LYPLAL1: variants seen among roughly 807,000 people sequenced by gnomAD.
The protein encoded by LYPLAL1 is lysophospholipase like 1, also known as lysophospholipase-like protein 1.
Under a neutral mutation model 19.7 loss-of-function variants are expected in LYPLAL1, and 23 were observed. That is an observed-to-expected ratio of 1.17 (90% CI 0.84 to 1.65). The LOEUF (loss-of-function observed/expected upper bound fraction) is 1.65. Ranked by LOEUF, LYPLAL1 falls within the 40% of genes most tolerant of loss-of-function variation. The pLI, the probability that LYPLAL1 is intolerant of heterozygous loss-of-function variation, is 0.00. For synonymous variants in LYPLAL1, 119 were observed against 96.3 expected, an observed-to-expected ratio of 1.24 and a Z score of -1.38; for missense variants, 355 against 279.4, an observed-to-expected ratio of 1.27 and a Z score of -1.93.
chr1:219,262,295 C>A, the LYPLAL1 span, among the ~76,000 whole-genome samples: 1 of 151,964 alleles, frequency 6.6e-6, no homozygotes, highest in African/African-American at 2.4e-5. Flanking sequence ...TTTCATCTTT[C>A]TCTGCTATCT....
At chr1:219,421,354 A>G in the LYPLAL1 span, among the ~76,000 whole-genome samples, 1 of 152,188 alleles carries the variant, frequency 6.6e-6, no homozygotes, top group African/African-American at 2.4e-5. Flanking sequence ...AAACCAGATC[A>G]TGAGAGAACA....
At chr1:219,442,305 G>T in the LYPLAL1 span, among the ~76,000 whole-genome samples, 1 of 152,078 alleles carries the variant, frequency 6.6e-6, no homozygotes, top group African/African-American at 2.4e-5. Context: ...TTTTGAAACT[G>T]AATTGGATTG....
At chr1:219,275,334 A>C in the LYPLAL1 span, among the ~76,000 whole-genome samples, 1 of 152,154 alleles carries the variant, frequency 6.6e-6, no homozygotes, top group Non-Finnish European at 1.5e-5. Context: ...TAGTCTTCCC[A>C]CTGGTTCCCA....
the LYPLAL1 span, among the ~76,000 whole-genome samples, chr1:219,294,207 A>G: frequency 3.9e-5 from 6 of 152,324 alleles, no homozygotes; most frequent in South Asian, 1.0e-3. Flanking sequence ...CAAACAAATA[A>G]CATCTCTCTG....
At chr1:219,359,777 C>A in the LYPLAL1 span, among the ~76,000 whole-genome samples, 1 of 152,128 alleles carries the variant, frequency 6.6e-6, no homozygotes, top group Non-Finnish European at 1.5e-5. Context: ...CCTGACACAC[C>A]TGGAATCAAA....
the LYPLAL1 span, chr1:219,409,454 A>ACG: frequency 7.3e-6 from 1 of 136,788 alleles, no homozygotes; most frequent in East Asian, 2.2e-4. Flanking sequence ...TCACACACAC[A>ACG]CACACACACA....
downstream of LYPLAL1, among the ~76,000 whole-genome samples, chr1:219,216,864 A>G (rs1159416030): frequency 6.6e-6 from 1 of 152,084 alleles, no homozygotes; most frequent in African/African-American, 2.4e-5. Context: ...AGCTTACCTC[A>G]TTTGTCTTCC....
chr1:219,323,424 G>A, the LYPLAL1 span, among the ~76,000 whole-genome samples: 1 of 152,132 alleles, frequency 6.6e-6, no homozygotes, highest in Admixed American at 6.5e-5. Context: ...AGGGAGGAAG[G>A]GGCTGAGCCA....
At chr1:219,364,206 G>A in the LYPLAL1 span, among the ~76,000 whole-genome samples, 4 of 152,192 alleles carry the variant, frequency 2.6e-5, no homozygotes, top group South Asian at 4.1e-4. Context: ...ATTGAACAAC[G>A]CAATAACCCA....
the LYPLAL1 span, among the ~76,000 whole-genome samples, chr1:219,331,739 G>A: frequency 1.4e-4 from 21 of 152,168 alleles, no homozygotes; most frequent in Non-Finnish European, 2.5e-4. Context: ...CTATCACACT[G>A]TCAAATGTCA....
intron 2 of LYPLAL1, among the ~76,000 whole-genome samples, chr1:219,188,747 G>C (rs1169961540): frequency 6.7e-6 from 1 of 150,084 alleles, no homozygotes; most frequent in Non-Finnish European, 1.5e-5. Flanking sequence ...GTAATGGGTT[G>C]GTTGATTGAT....
the LYPLAL1 span, among the ~76,000 whole-genome samples, chr1:219,357,484 A>G: frequency 0.2 from 30,779 of 152,148 alleles, 3,665 homozygotes; most frequent in Admixed American, 0.31. Flanking sequence ...TTAAAACAAA[A>G]TGAGATACCA....
intron 1 of LYPLAL1, 62 bp from the exon 2 acceptor site, chr1:219,179,085 T>G: frequency 8.6e-7 from 1 of 1,156,464 alleles, no homozygotes; most frequent in Non-Finnish European, 1.2e-6. Context: ...AGTTTTAGAC[T>G]GCTTTGAAAT....
At chr1:219,350,749 C>G in the LYPLAL1 span, among the ~76,000 whole-genome samples, 7 of 152,108 alleles carry the variant, frequency 4.6e-5, no homozygotes, top group African/African-American at 1.7e-4. Flanking sequence ...TGCACTTAAC[C>G]CAGGAAACTC....
chr1:219,176,363 A>G (rs1015540167), intron 1 of LYPLAL1, among the ~76,000 whole-genome samples: 4 of 152,220 alleles, frequency 2.6e-5, no homozygotes, highest in Admixed American at 6.5e-5. Context: ...TAGTAGGTCC[A>G]CAAAGCCCAA....
the LYPLAL1 span, among the ~76,000 whole-genome samples, chr1:219,318,985 T>C: frequency 6.6e-6 from 1 of 152,242 alleles, no homozygotes; most frequent in African/African-American, 2.4e-5. Flanking sequence ...CTTCCCATTC[T>C]TTCTCTTTTT....
the LYPLAL1 span, among the ~76,000 whole-genome samples, chr1:219,415,675 A>G: frequency 2.0e-5 from 3 of 152,230 alleles, no homozygotes; most frequent in East Asian, 3.8e-4. Context: ...GGTCATTGCC[A>G]TGGCATAAAC....
At chr1:219,382,990 A>G in the LYPLAL1 span, among the ~76,000 whole-genome samples, 36 of 152,208 alleles carry the variant, frequency 2.4e-4, no homozygotes, top group Non-Finnish European at 4.4e-4. Context: ...AGTATTATAA[A>G]AACATGAAAT....
At chr1:219,402,126 CAG>C in the LYPLAL1 span, among the ~76,000 whole-genome samples, 2 of 152,086 alleles carry the variant, frequency 1.3e-5, no homozygotes, top group Non-Finnish European at 2.9e-5. Context: ...GAAAGAAAAA[CAG>C]AGAATTGGAT....
Sources: gnomAD v4.1 joint callset for allele counts (sites outside exome capture counted in the v4.1 genomes callset) on GRCh38, gnomAD v4.1.1 for gene constraint, MANE v1.5 for transcripts, NCBI Gene and HGNC (gene_info 2026-07-23, HGNC 2026-07-21) for gene names.